The following ERC2 variants were observed in gnomAD, a reference collection of about 807,000 sequenced individuals.
The protein encoded by ERC2 is ELKS/RAB6-interacting/CAST family member 2.
A neutral mutation model predicts 114.8 loss-of-function variants in ERC2; 42 were observed. The ratio of observed to expected loss-of-function variants is 0.37; its 90% CI spans 0.29 to 0.47. The LOEUF is 0.47. ERC2 is among the 20% of genes least tolerant of loss of function. ERC2 has a pLI of 0.99. For missense variants in ERC2, 939 were observed against 1,150.7 expected, an observed-to-expected ratio of 0.82 and a Z score of 2.66; for synonymous variants, 454 against 425.5, an observed-to-expected ratio of 1.07 and a Z score of -0.82.
chr3:56,194,292 TG>T (rs2047962915), intron 3 of ERC2, among the ~76,000 whole-genome samples: 1 of 151,942 alleles, frequency 6.6e-6, no homozygotes, highest in Non-Finnish European at 1.5e-5. Context: ...TAACTTTATT[TG>T]GAAAAAAAAG....
intron 14 of ERC2, among the ~76,000 whole-genome samples, chr3:55,802,723 C>T (rs1331302264): frequency 6.6e-6 from 1 of 152,126 alleles, no homozygotes; most frequent in Admixed American, 6.5e-5. Flanking sequence ...CTTGGAATAA[C>T]CCAAGTTAGT....
intron 6 of ERC2, among the ~76,000 whole-genome samples, chr3:56,128,826 G>A (rs1033288606): frequency 1.3e-5 from 2 of 152,190 alleles, no homozygotes; most frequent in Non-Finnish European, 2.9e-5. Flanking sequence ...CTCAGTAAAT[G>A]AGGAGTTGGA....
At chr3:55,681,923 G>C (rs1490870503) in intron 17 of ERC2, among the ~76,000 whole-genome samples, 1 of 152,102 alleles carries the variant, frequency 6.6e-6, no homozygotes, top group Non-Finnish European at 1.5e-5. Flanking sequence ...TCACTATTCA[G>C]GAGGAAACAC....
chr3:55,694,694 T>A (rs922222270), intron 16 of ERC2, among the ~76,000 whole-genome samples: 1 of 152,160 alleles, frequency 6.6e-6, no homozygotes, highest in Non-Finnish European at 1.5e-5. Flanking sequence ...CCCCAAAATA[T>A]TTAGGTTCTT....
intron 17 of ERC2, among the ~76,000 whole-genome samples, chr3:55,526,089 G>A (rs1200563693): frequency 6.6e-6 from 1 of 152,130 alleles, no homozygotes; most frequent in Admixed American, 6.5e-5. Context: ...ACAGGGAGAA[G>A]GCCATGGGGT....
At chr3:55,572,024 T>C (rs2056741508) in intron 17 of ERC2, among the ~76,000 whole-genome samples, 1 of 152,244 alleles carries the variant, frequency 6.6e-6, no homozygotes, top group South Asian at 2.1e-4. Context: ...AGTGCAGTTC[T>C]TCCTGCCACC....
At chr3:56,105,270 T>C (rs1376013102) in intron 6 of ERC2, among the ~76,000 whole-genome samples, 2 of 152,068 alleles carry the variant, frequency 1.3e-5, no homozygotes, top group East Asian at 3.9e-4. Context: ...TGTGAAGACT[T>C]TGGTTGATAT....
intron 3 of ERC2, among the ~76,000 whole-genome samples, chr3:56,266,316 G>T (rs977699890): frequency 3.3e-5 from 5 of 151,470 alleles, no homozygotes; most frequent in African/African-American, 1.2e-4. Context: ...ATTTTTAGTA[G>T]AGACAGGGTT....
intron 3 of ERC2, among the ~76,000 whole-genome samples, chr3:56,250,867 T>C (rs1294251979): frequency 1.3e-5 from 2 of 152,190 alleles, no homozygotes; most frequent in African/African-American, 4.8e-5. Context: ...TTTAACCTTA[T>C]AACAGTGAGA....
chr3:56,148,098 G>C (rs113388836), intron 5 of ERC2, among the ~76,000 whole-genome samples: 3 of 152,056 alleles, frequency 2.0e-5, no homozygotes, highest in Non-Finnish European at 4.4e-5. Flanking sequence ...TCAGACAAGG[G>C]ACTAAGGGCT....
intron 14 of ERC2, among the ~76,000 whole-genome samples, chr3:55,884,195 C>A (rs2063255773): frequency 6.6e-6 from 1 of 152,148 alleles, no homozygotes; most frequent in African/African-American, 2.4e-5. Context: ...AACACTGGAA[C>A]TGACACAGAT....
chr3:56,151,638 A>G (rs1036993944), intron 4 of ERC2, among the ~76,000 whole-genome samples: 12 of 152,206 alleles, frequency 7.9e-5, no homozygotes, highest in African/African-American at 2.4e-4. Flanking sequence ...CATCAGTCCA[A>G]AGAATTTAGA....
intron 1 of ERC2, among the ~76,000 whole-genome samples, chr3:56,444,290 T>G (rs2062460979): frequency 6.6e-6 from 1 of 152,102 alleles, no homozygotes; most frequent in Non-Finnish European, 1.5e-5. Context: ...CAATCTTATA[T>G]GTTTGTGATG....
intron 6 of ERC2, among the ~76,000 whole-genome samples, chr3:56,101,105 T>C (rs1439884654): frequency 1.3e-5 from 2 of 152,176 alleles, no homozygotes; most frequent in African/African-American, 4.8e-5. Flanking sequence ...AAAATAAAGA[T>C]CCATTTCATT....
chr3:56,440,421 G>A (rs183615125), intron 1 of ERC2, among the ~76,000 whole-genome samples: 81 of 152,160 alleles, frequency 5.3e-4, no homozygotes, highest in African/African-American at 1.8e-3. Flanking sequence ...GGTGGTGGGC[G>A]CATGTAGTCC....
intron 17 of ERC2, among the ~76,000 whole-genome samples, chr3:55,570,579 G>C (rs1575612704): frequency 6.6e-6 from 1 of 152,246 alleles, no homozygotes; most frequent in Admixed American, 6.5e-5. Flanking sequence ...GGAGTTCAAA[G>C]GGTTCTGACG....
chr3:56,085,354 A>G (rs755678573), intron 6 of ERC2, among the ~76,000 whole-genome samples: 1 of 152,158 alleles, frequency 6.6e-6, no homozygotes, highest in African/African-American at 2.4e-5. Flanking sequence ...AGATGTGTGG[A>G]GCCCCCAAGC....
chr3:55,787,959 T>C (rs1468304025), intron 14 of ERC2, among the ~76,000 whole-genome samples: 1 of 152,224 alleles, frequency 6.6e-6, no homozygotes, highest in Non-Finnish European at 1.5e-5. Context: ...ACCCAGGCCA[T>C]AGTATTATTG....
At chr3:55,740,614 T>G (rs1417344950) in intron 14 of ERC2, among the ~76,000 whole-genome samples, 1 of 152,196 alleles carries the variant, frequency 6.6e-6, no homozygotes, top group Non-Finnish European at 1.5e-5. Flanking sequence ...GAACATTTCA[T>G]ACTTCAGGAT....
Sources: allele counts gnomAD v4.1 joint callset (sites outside exome capture counted in the v4.1 genomes callset), GRCh38; gene constraint gnomAD v4.1.1; transcripts MANE v1.5; gene names NCBI Gene and HGNC (gene_info 2026-07-23, HGNC 2026-07-21).